KIF16B: variants seen among roughly 807,000 people sequenced by gnomAD.
KIF16B encodes kinesin family member 16B.
KIF16B carries 98 observed loss-of-function variants against 156.3 expected under a neutral mutation model. The observed-to-expected ratio is 0.63, with a 90% confidence interval of 0.53 to 0.74. The LOEUF is 0.74. Among genes scored for constraint, KIF16B ranks in the 30% least tolerant of loss-of-function variants. KIF16B has a pLI of 0.00. For missense variants in KIF16B, 1,421 were observed against 1,606.5 expected, an observed-to-expected ratio of 0.88 and a Z score of 1.97; for synonymous variants, 564 against 583.7, an observed-to-expected ratio of 0.97 and a Z score of 0.49.
At chr20:16,515,023 T>G (rs1455428936) in intron 4 of KIF16B, among the ~76,000 whole-genome samples, 1 of 151,804 alleles carries the variant, frequency 6.6e-6, no homozygotes, top group Admixed American at 6.6e-5. Flanking sequence ...AACATTAATA[T>G]CAGTTAACTT....
At chr20:16,404,723 G>T (rs2065737568) in intron 17 of KIF16B, 90 bp downstream of exon 17, 1 of 1,026,224 alleles carries the variant, frequency 9.7e-7, no homozygotes, top group Non-Finnish European at 1.5e-6. Context: ...CGTTGCAGAA[G>T]TTTTATTTTT....
chr20:16,525,235 T>C (rs1012254422), intron 3 of KIF16B, among the ~76,000 whole-genome samples: 3 of 152,166 alleles, frequency 2.0e-5, no homozygotes, highest in Admixed American at 1.3e-4. Context: ...CGAGATGCCA[T>C]TGCATGGATT....
chr20:16,371,197 A>T (rs1388744741), intron 21 of KIF16B, among the ~76,000 whole-genome samples: 1 of 152,226 alleles, frequency 6.6e-6, no homozygotes, highest in East Asian at 1.9e-4. Flanking sequence ...AGCAATATTT[A>T]ATATTTTTTT....
Position 16,542,898 on chromosome 20 carries a change from C to G in KIF16B, c.48-14458G>C, listed in dbSNP as rs531667638. ...TTAAAAGGCCCCTCTGGTTGGTGTG[C>G]ATAGACTCTAGAGGGATGGCAGTCT... On this transcript the variant is annotated intron_variant, in intron 1 of 25. Transcript: ENST00000354981. Among the ~76,000 whole-genome samples the G allele has an allele frequency of 9.7e-4, 147 of 152,266 alleles. No individual in the cohort carries two copies. In the Middle Eastern group the frequency reaches 0.014, roughly 14 times the overall value.
intron 23 of KIF16B, among the ~76,000 whole-genome samples, chr20:16,351,698 G>A (rs2064342475): frequency 6.6e-6 from 1 of 152,208 alleles, no homozygotes; most frequent in South Asian, 2.1e-4. Flanking sequence ...TGCATCTGCA[G>A]ACACAGTCCC....
At chr20:16,397,654 T>C (rs1169996730) in intron 17 of KIF16B, among the ~76,000 whole-genome samples, 1 of 152,236 alleles carries the variant, frequency 6.6e-6, no homozygotes, top group African/African-American at 2.4e-5. Context: ...TGGGAAAAAC[T>C]GAGTACTATG....
rs562538554 is a variant in KIF16B at position 16,503,584 on chromosome 20, G to T, written c.1176+788C>A. ...CATAAAGAAAAGCATTTCTTTTCAC[G>T]ATATACTTAAGACATCCATTCATGA... On this transcript the variant is annotated intron_variant, in intron 10 of 25. Transcript: ENST00000354981. Among the ~76,000 whole-genome samples, 3 of 152,292 alleles carry T rather than the reference G, an allele frequency of 2.0e-5. No homozygotes were observed. The South Asian group carries it at 6.2e-4, about 32-fold the overall frequency.
At chr20:16,288,743 G>C (rs1167648212) in intron 25 of KIF16B, among the ~76,000 whole-genome samples, 1 of 149,698 alleles carries the variant, frequency 6.7e-6, no homozygotes, top group African/African-American at 2.5e-5. Context: ...TGATGATAAG[G>C]TTATTGGGAT....
intron 25 of KIF16B, among the ~76,000 whole-genome samples, chr20:16,305,138 G>C (rs1299075508): frequency 6.6e-6 from 1 of 152,090 alleles, no homozygotes; most frequent in Non-Finnish European, 1.5e-5. Flanking sequence ...TTTACTGCGA[G>C]AAAAATAAAA....
intron 24 of KIF16B, among the ~76,000 whole-genome samples, chr20:16,322,014 A>C (rs1358760548): frequency 6.6e-6 from 1 of 152,022 alleles, no homozygotes; most frequent in Non-Finnish European, 1.5e-5. Context: ...CCTATGGCCT[A>C]CTTTGTCTCA....
chr20:16,304,442 G>A (rs8126093), intron 25 of KIF16B, among the ~76,000 whole-genome samples: 9,117 of 152,222 alleles, frequency 0.06, 401 homozygotes, highest in African/African-American at 0.13. Context: ...CTCCAGTTCA[G>A]TTTCCTTGAA....
At chr20:16,288,289 G>C (rs6075042) in intron 25 of KIF16B, among the ~76,000 whole-genome samples, 53,523 of 152,094 alleles carry the variant, frequency 0.35, 9,637 homozygotes, top group Non-Finnish European at 0.39. Context: ...TCTGATTATA[G>C]TATTTTCTTT....
At chr20:16,380,291 G>A in intron 18 of KIF16B, 128 bp from the exon 19 acceptor site, 2 of 799,774 alleles carry the variant, frequency 2.5e-6, no homozygotes, top group Non-Finnish European at 3.5e-6. Context: ...AAAAAGAAGA[G>A]TAACTGCTTT....
chr20:16,568,108 G>GT (rs2071327186), intron 1 of KIF16B, among the ~76,000 whole-genome samples: 3 of 152,108 alleles, frequency 2.0e-5, no homozygotes, highest in Non-Finnish European at 4.4e-5. Context: ...AAAAGAGGAA[G>GT]ACGTCAGTAC....
chr20:16,520,911 A>T (rs1466432633), intron 3 of KIF16B, among the ~76,000 whole-genome samples: 1 of 152,170 alleles, frequency 6.6e-6, no homozygotes, highest in East Asian at 1.9e-4. Context: ...GCCTCCAGCA[A>T]ACTCCAGCAG....
chr20:16,367,666 A>G (rs1014036139), intron 22 of KIF16B: 7 of 1,612,530 alleles, frequency 4.3e-6, no homozygotes, highest in Non-Finnish European at 5.9e-6. Context: ...GGTAGTCTGG[A>G]ATTTGGATGA....
intron 1 of KIF16B, 49 bp from the exon 2 acceptor site, chr20:16,528,489 A>T (rs370594219): frequency 1.2e-4 from 151 of 1,258,130 alleles, no homozygotes; most frequent in Non-Finnish European, 1.7e-4. Flanking sequence ...AGATTATTAA[A>T]AACAAAACAA....
intron 10 of KIF16B, among the ~76,000 whole-genome samples, chr20:16,504,033 G>A (rs1336824097): frequency 6.6e-6 from 1 of 152,296 alleles, no homozygotes; most frequent in Non-Finnish European, 1.5e-5. Context: ...ATGCATGGGT[G>A]AAATTTTAAA....
At chr20:16,496,211 A>G (rs922048930) in intron 11 of KIF16B, among the ~76,000 whole-genome samples, 5 of 152,188 alleles carry the variant, frequency 3.3e-5, no homozygotes, top group African/African-American at 1.2e-4. Context: ...TGGTGTACTG[A>G]ATTACTAATT....
Sources: allele counts gnomAD v4.1 joint callset (sites outside exome capture counted in the v4.1 genomes callset), GRCh38; gene constraint gnomAD v4.1.1; transcripts MANE v1.5; gene names NCBI Gene and HGNC (gene_info 2026-07-23, HGNC 2026-07-21).